The following DLG2 variants were observed in gnomAD, a reference collection of about 807,000 sequenced individuals.
The protein encoded by DLG2 is discs large MAGUK scaffold protein 2.
DLG2 carries 45 observed loss-of-function variants against 132.5 expected under a neutral mutation model. The ratio of observed to expected loss-of-function variants is 0.34; its 90% CI spans 0.27 to 0.44. DLG2 has a LOEUF of 0.44. DLG2 is among the 20% of genes least tolerant of loss of function. The pLI is 1.00. For missense variants in DLG2, 1,045 were observed against 1,196.9 expected (o/e 0.87, Z 1.87); for synonymous variants, 424 against 419.6 (o/e 1.01, Z -0.13).
chr11:83,784,145 C>T (rs1489689794), intron 18 of DLG2, among the ~76,000 whole-genome samples: 4 of 152,172 alleles, frequency 2.6e-5, no homozygotes, highest in African/African-American at 9.7e-5. Flanking sequence ...CATCTGCCAG[C>T]ATTGTCTTAA....
At chr11:84,396,117 T>C (rs1207053245) in intron 7 of DLG2, among the ~76,000 whole-genome samples, 1 of 152,222 alleles carries the variant, frequency 6.6e-6, no homozygotes, top group African/African-American at 2.4e-5. Context: ...TATGTGATGT[T>C]AGAACTTATT....
chr11:85,064,273 T>C (rs1424534832), intron 6 of DLG2, among the ~76,000 whole-genome samples: 2 of 151,830 alleles, frequency 1.3e-5, no homozygotes, highest in African/African-American at 4.8e-5. Flanking sequence ...TCTAATAAAT[T>C]CTATTCAATT....
At chr11:84,154,269 A>G (rs2095374272) in intron 9 of DLG2, among the ~76,000 whole-genome samples, 1 of 152,232 alleles carries the variant, frequency 6.6e-6, no homozygotes, top group African/African-American at 2.4e-5. Context: ...AAGTGCTGGG[A>G]TTACAGGCGT....
intron 6 of DLG2, among the ~76,000 whole-genome samples, chr11:84,715,675 C>G (rs576067587): frequency 5.3e-5 from 8 of 152,096 alleles, no homozygotes; most frequent in Non-Finnish European, 1.2e-4. Flanking sequence ...CCAGGTGTAT[C>G]CATGTTATTG....
intron 4 of DLG2, among the ~76,000 whole-genome samples, chr11:85,193,627 A>C (rs2080795143): frequency 1.3e-5 from 2 of 152,158 alleles, no homozygotes; most frequent in African/African-American, 4.8e-5. Flanking sequence ...CCTAATGATT[A>C]ATGTTATCGA....
chr11:84,972,904 G>A (rs1421319752), intron 6 of DLG2, among the ~76,000 whole-genome samples: 1 of 150,518 alleles, frequency 6.6e-6, no homozygotes, highest in Admixed American at 6.6e-5. Context: ...ACTGTCCATT[G>A]TATTCTAGCT....
chr11:84,394,899 C>T (rs1001204853), intron 7 of DLG2, among the ~76,000 whole-genome samples: 4 of 152,134 alleles, frequency 2.6e-5, no homozygotes, highest in East Asian at 1.9e-4. Flanking sequence ...AGATTACAGG[C>T]GTGAGTCACA....
intron 6 of DLG2, among the ~76,000 whole-genome samples, chr11:84,853,507 T>C (rs946357112): frequency 6.6e-6 from 1 of 152,020 alleles, no homozygotes; most frequent in East Asian, 1.9e-4. Context: ...TAAAATAAGA[T>C]AAATATCATA....
intron 3 of DLG2, among the ~76,000 whole-genome samples, chr11:85,296,726 T>C (rs1403563132): frequency 6.6e-6 from 1 of 151,430 alleles, no homozygotes; most frequent in Non-Finnish European, 1.5e-5. Flanking sequence ...CTGGAATTGG[T>C]CCAGTAAGTG....
intron 7 of DLG2, among the ~76,000 whole-genome samples, chr11:84,353,528 T>C (rs571806981): frequency 2.6e-4 from 40 of 152,304 alleles, no homozygotes; most frequent in African/African-American, 9.6e-4. Context: ...ACGTCTCTAA[T>C]GAGATTACCT....
chr11:85,312,533 T>C (rs917388962), intron 3 of DLG2, among the ~76,000 whole-genome samples: 5 of 151,982 alleles, frequency 3.3e-5, no homozygotes, highest in Non-Finnish European at 5.9e-5. Context: ...TATTGAGATA[T>C]CATACATTCA....
At chr11:85,006,140 G>A (rs568418412) in intron 6 of DLG2, among the ~76,000 whole-genome samples, 6 of 151,962 alleles carry the variant, frequency 3.9e-5, no homozygotes, top group Non-Finnish European at 5.9e-5. Flanking sequence ...AGTTTATTGA[G>A]GATTTTTGCA....
At position 84,599,960 on chromosome 11, in the gene DLG2, G is replaced by T. The variant is rs183072977; in HGVS notation, c.358-65229C>A. Among the ~76,000 whole-genome samples the T allele has an allele frequency of 2.3e-3, 345 of 151,042 alleles. 3 individuals carry two copies. Among genetic ancestry groups the T allele is most frequent in the African/African-American group, 7.8e-3 (318 of 41,020 alleles). On this transcript the variant is annotated intron_variant, in intron 6 of 27. Coordinates refer to ENST00000376104, the MANE Select transcript of DLG2 (RefSeq NM_001142699.3). Reference sequence around the variant, plus strand: ...GGTAGGAAGATCACCTGAGCCCTGCGAGGCTGAGGCTGCAGTGAATCCTGA... The same window carrying T: ...GGTAGGAAGATCACCTGAGCCCTGCTAGGCTGAGGCTGCAGTGAATCCTGA...
chr11:84,912,218 C>A (rs940765256), intron 6 of DLG2, among the ~76,000 whole-genome samples: 1 of 152,180 alleles, frequency 6.6e-6, no homozygotes. Context: ...GGCGCGATCT[C>A]GATCTCGGCT....
At chr11:85,183,014 A>T (rs1265073969) in intron 4 of DLG2, among the ~76,000 whole-genome samples, 4 of 151,632 alleles carry the variant, frequency 2.6e-5, no homozygotes, top group African/African-American at 9.7e-5. Flanking sequence ...GATCACAGTA[A>T]CTTTGTCAGT....
At chr11:85,493,133 C>A (rs1006610496) in intron 3 of DLG2, among the ~76,000 whole-genome samples, 1 of 152,106 alleles carries the variant, frequency 6.6e-6, no homozygotes, top group African/African-American at 2.4e-5. Context: ...GGTTTATGAA[C>A]TGAGTACTGA....
chr11:84,400,726 T>TA lies in DLG2; in HGVS notation c.519+133843dup, dbSNP rs547884454. 5.5e-4 allele frequency among the ~76,000 whole-genome samples: 83 copies of TA among 151,474 alleles called. 1 individual carries two copies. In the South Asian group the frequency reaches 0.012, roughly 22 times the overall value. ...ATTATTGGTTTCCATTAGCACACAG[T>TA]AAAAAAAAATACAGACTAGACAGCA... On this transcript the variant is annotated intron_variant, in intron 7 of 27. Transcript: ENST00000376104.
At chr11:85,178,173 C>A (rs768574396) in intron 4 of DLG2, among the ~76,000 whole-genome samples, 31 of 151,912 alleles carry the variant, frequency 2.0e-4, no homozygotes, top group Non-Finnish European at 4.1e-4. Flanking sequence ...TAGACCAATG[C>A]TAAATTCCTA....
intron 11 of DLG2, among the ~76,000 whole-genome samples, chr11:84,034,860 G>A (rs2095818642): frequency 6.6e-6 from 1 of 152,046 alleles, no homozygotes; most frequent in Non-Finnish European, 1.5e-5. Context: ...CTTTTTCTGG[G>A]GAACATTTTG....
Sources: gnomAD v4.1 joint callset for allele counts (sites outside exome capture counted in the v4.1 genomes callset) on GRCh38, gnomAD v4.1.1 for gene constraint, MANE v1.5 for transcripts, NCBI Gene and HGNC (gene_info 2026-07-23, HGNC 2026-07-21) for gene names.